GDAP1: variants seen among roughly 807,000 people sequenced by gnomAD.
The protein encoded by GDAP1 is ganglioside induced differentiation associated protein 1, also known as ganglioside-induced differentiation-associated protein 1.
A neutral mutation model predicts 40.1 loss-of-function variants in GDAP1; 34 were observed. That is an observed-to-expected ratio of 0.85 (90% CI 0.64 to 1.13). The LOEUF (loss-of-function observed/expected upper bound fraction) is 1.13, where lower values mean the gene tolerates loss of function less well. Among genes scored for constraint, GDAP1 ranks in the 50% most tolerant of loss-of-function variants. GDAP1 has a pLI of 0.00. For synonymous variants in GDAP1, 170 were observed against 157.4 expected (o/e 1.08, Z -0.60); for missense variants, 374 against 433.7 (o/e 0.86, Z 1.22).
intron 2 of GDAP1, among the ~76,000 whole-genome samples, chr8:74,390,473 A>C (rs778949236): frequency 5.3e-5 from 8 of 152,004 alleles, no homozygotes; most frequent in South Asian, 2.1e-4. Flanking sequence ...CTGGAAGCCC[A>C]CTCCACACCC....
chr8:74,357,279 G>A (rs1166074758), intron 2 of GDAP1, among the ~76,000 whole-genome samples: 1 of 152,068 alleles, frequency 6.6e-6, no homozygotes, highest in Non-Finnish European at 1.5e-5. Context: ...GCCTTTACTA[G>A]GAAAGATGGG....
rs148810785 is a variant in GDAP1, at chr8:74,442,124, T to C, written c.166-46554T>C. 4.0e-3 allele frequency among the ~76,000 whole-genome samples: 608 copies of C among 152,360 alleles called. 4 individuals carry two copies. The highest frequency in any genetic ancestry group is 0.013 in the African/African-American group (528 of 41,586). ...AAATGCGTGTTTTCATAATACTGTG[T>C]AGTCACATTTCAAGAGAACACCTGA... On this transcript the variant is annotated intron_variant, in intron 2 of 2. Coordinates refer to the GDAP1 transcript ENST00000523640.
intron 2 of GDAP1, among the ~76,000 whole-genome samples, chr8:74,466,172 A>C (rs929778888): frequency 6.6e-6 from 1 of 152,220 alleles, no homozygotes. Context: ...TTCATAAAAA[A>C]ATGTAGTGTG....
At chr8:74,439,037 T>TGC (rs59347240) in intron 2 of GDAP1, among the ~76,000 whole-genome samples, 1 of 35,282 alleles carries the variant, frequency 2.8e-5, no homozygotes, top group Admixed American at 4.5e-4. Context: ...TGTATATATA[T>TGC]GTGTGTGTGT....
At chr8:74,486,908 A>G (rs1196852613) in intron 2 of GDAP1, among the ~76,000 whole-genome samples, 1 of 152,172 alleles carries the variant, frequency 6.6e-6, no homozygotes, top group Non-Finnish European at 1.5e-5. Context: ...TCAAACAGCC[A>G]TACTAGAAAC....
At chr8:74,485,728 A>G (rs558630969) in intron 2 of GDAP1, among the ~76,000 whole-genome samples, 1 of 152,006 alleles carries the variant, frequency 6.6e-6, no homozygotes, top group African/African-American at 2.4e-5. Flanking sequence ...CAGAAGCAGG[A>G]ATATACATGG....
At chr8:74,435,862 G>A (rs1393642328) in intron 2 of GDAP1, among the ~76,000 whole-genome samples, 4 of 152,138 alleles carry the variant, frequency 2.6e-5, no homozygotes, top group Admixed American at 6.6e-5. Flanking sequence ...GACCTTGAGA[G>A]GTGCTAGTGG....
chr8:74,441,770 T>C (rs1038473307), intron 2 of GDAP1, among the ~76,000 whole-genome samples: 7 of 152,200 alleles, frequency 4.6e-5, no homozygotes, highest in Non-Finnish European at 8.8e-5. Flanking sequence ...ATAGTATCTC[T>C]ATCGGTAGGA....
intron 2 of GDAP1, among the ~76,000 whole-genome samples, chr8:74,390,708 G>T (rs115200947): frequency 6.6e-6 from 1 of 152,204 alleles, no homozygotes; most frequent in African/African-American, 2.4e-5. Flanking sequence ...GAGCTTGAGC[G>T]CTGTCCTAGG....
At chr8:74,392,471 G>A (rs1810124978) in intron 2 of GDAP1, among the ~76,000 whole-genome samples, 1 of 151,318 alleles carries the variant, frequency 6.6e-6, no homozygotes. Flanking sequence ...GATCTCAGTG[G>A]AAAATGTTTT....
intron 2 of GDAP1, among the ~76,000 whole-genome samples, chr8:74,412,379 T>G (rs867115525): frequency 2.7e-5 from 4 of 150,102 alleles, no homozygotes; most frequent in Non-Finnish European, 5.9e-5. Flanking sequence ...GGATGAGAGA[T>G]AGACAATATT....
At chr8:74,449,550 A>G (rs549735347) in intron 2 of GDAP1, among the ~76,000 whole-genome samples, 13 of 151,932 alleles carry the variant, frequency 8.6e-5, no homozygotes, top group African/African-American at 2.9e-4. Flanking sequence ...TCTTTGTTAA[A>G]TTTATTCCCA....
At chr8:74,480,521 G>A (rs529428257) in intron 2 of GDAP1, among the ~76,000 whole-genome samples, 1 of 152,312 alleles carries the variant, frequency 6.6e-6, no homozygotes, top group Non-Finnish European at 1.5e-5. Flanking sequence ...AGGAAATGAG[G>A]AACTGAAGAC....
chr8:74,481,770 T>C (rs1258196040), intron 2 of GDAP1, among the ~76,000 whole-genome samples: 1 of 152,068 alleles, frequency 6.6e-6, no homozygotes, highest in Non-Finnish European at 1.5e-5. Context: ...TTCCTATTAA[T>C]AATAAAAAAC....
chr8:74,424,295 A>G (rs970512612), intron 2 of GDAP1, among the ~76,000 whole-genome samples: 3 of 152,134 alleles, frequency 2.0e-5, no homozygotes, highest in African/African-American at 7.2e-5. Flanking sequence ...AAATATTGTC[A>G]ATCCACGCTG....
chr8:74,375,649 A>G (rs1245756390), intron 2 of GDAP1, among the ~76,000 whole-genome samples: 2 of 152,204 alleles, frequency 1.3e-5, no homozygotes, highest in Non-Finnish European at 2.9e-5. Flanking sequence ...TGATGAAGAC[A>G]TCCATGAAAA....
chr8:74,488,804 G>T (rs1445067850), exon 3 of GDAP1: 1 of 152,126 alleles, frequency 6.6e-6, no homozygotes, highest in Admixed American at 6.5e-5. Flanking sequence ...TGCCAGTTGG[G>T]TTTATTTCAG....
chr8:74,373,759 G>A (rs1407064534), intron 2 of GDAP1, among the ~76,000 whole-genome samples: 5 of 152,104 alleles, frequency 3.3e-5, no homozygotes, highest in African/African-American at 1.2e-4. Flanking sequence ...TCTTTCTCCT[G>A]CCTGATTGCC....
intron 2 of GDAP1, among the ~76,000 whole-genome samples, chr8:74,374,837 T>G (rs1197380538): frequency 6.6e-6 from 1 of 152,188 alleles, no homozygotes. Flanking sequence ...CTAAACAAAT[T>G]GAATTTGTAA....
Sources: allele counts gnomAD v4.1 joint callset (sites outside exome capture counted in the v4.1 genomes callset), GRCh38; gene constraint gnomAD v4.1.1; transcripts MANE v1.5; gene names NCBI Gene and HGNC (gene_info 2026-07-23, HGNC 2026-07-21).